Variants in CDH8 observed in about 807,000 individuals in gnomAD.
CDH8 encodes the protein cadherin-8.
A neutral mutation model predicts 68.1 loss-of-function variants in CDH8; 17 were observed. The observed-to-expected ratio is 0.25, with a 90% CI of 0.17 to 0.37. CDH8 has a LOEUF of 0.37. Among genes scored for constraint, CDH8 ranks in the 10% least tolerant of loss-of-function variants. The probability of loss-of-function intolerance (pLI) is 1.00; values close to 1 mark genes in which losing one functional copy is unlikely to be tolerated. For synonymous variants in CDH8, 372 were observed against 365.1 expected, an observed-to-expected ratio of 1.02 and a Z score of -0.21; for missense variants, 763 against 999.3, an observed-to-expected ratio of 0.76 and a Z score of 3.19.
chr16:61,908,275 C>T (rs1403640623), intron 2 of CDH8, among the ~76,000 whole-genome samples: 1 of 152,142 alleles, frequency 6.6e-6, no homozygotes, highest in Non-Finnish European at 1.5e-5. Context: ...CTATCCTTAA[C>T]TCAGAGCCAT....
chr16:61,827,583 A>C (rs1172474901), intron 4 of CDH8, among the ~76,000 whole-genome samples: 1 of 151,938 alleles, frequency 6.6e-6, no homozygotes, highest in African/African-American at 2.4e-5. Context: ...TTTTTTACTC[A>C]CTTGGAAATA....
intron 1 of CDH8, among the ~76,000 whole-genome samples, chr16:62,028,451 GT>G (rs925641933): frequency 6.6e-6 from 1 of 151,868 alleles, no homozygotes; most frequent in Non-Finnish European, 1.5e-5. Context: ...ATAATTGCTG[GT>G]TTCCTTTGCA....
intron 6 of CDH8, among the ~76,000 whole-genome samples, chr16:61,819,967 C>T (rs1054230975): frequency 1.3e-5 from 2 of 151,986 alleles, no homozygotes; most frequent in African/African-American, 4.8e-5. Flanking sequence ...TGTTTTGTGA[C>T]TATAAAGAAT....
chr16:61,899,694 G>A (rs1346736775), intron 3 of CDH8, among the ~76,000 whole-genome samples: 3 of 152,034 alleles, frequency 2.0e-5, no homozygotes, highest in African/African-American at 7.2e-5. Context: ...ATCAAGTCAA[G>A]GAGAACAACT....
chr16:61,802,779 A>G (rs1961688377), intron 7 of CDH8, among the ~76,000 whole-genome samples: 1 of 134,632 alleles, frequency 7.4e-6, no homozygotes, highest in Admixed American at 7.7e-5. Context: ...AAGAATAAAA[A>G]GAAATGAGCA....
chr16:61,953,343 ATTC>A (rs1304772255), intron 2 of CDH8, among the ~76,000 whole-genome samples: 1 of 152,172 alleles, frequency 6.6e-6, no homozygotes, highest in Non-Finnish European at 1.5e-5. Flanking sequence ...TACTTCTGCT[ATTC>A]TTCTTCATCT....
intron 8 of CDH8, among the ~76,000 whole-genome samples, chr16:61,740,551 C>T (rs757042549): frequency 6.6e-6 from 1 of 152,068 alleles, no homozygotes; most frequent in Non-Finnish European, 1.5e-5. Context: ...TCATTTACCC[C>T]CTTCCAAGTC....
chr16:61,923,428 C>A (rs1964405636), intron 2 of CDH8, among the ~76,000 whole-genome samples: 2 of 151,980 alleles, frequency 1.3e-5, no homozygotes, highest in Admixed American at 6.6e-5. Context: ...ATAACCAATA[C>A]AAGTAGCAGC....
chr16:61,819,248 G>T (rs1962156014), intron 6 of CDH8, among the ~76,000 whole-genome samples: 1 of 151,978 alleles, frequency 6.6e-6, no homozygotes, highest in South Asian at 2.1e-4. Flanking sequence ...CAACTCCTTT[G>T]CACTGTTCTC....
intron 10 of CDH8, among the ~76,000 whole-genome samples, chr16:61,676,280 G>A (rs1256130457): frequency 6.7e-6 from 1 of 148,796 alleles, no homozygotes; most frequent in Non-Finnish European, 1.5e-5. Flanking sequence ...ATGCTAGGGT[G>A]GTTATACTAA....
At chr16:61,702,844 C>A (rs1964459390) in intron 10 of CDH8, among the ~76,000 whole-genome samples, 1 of 152,138 alleles carries the variant, frequency 6.6e-6, no homozygotes, top group Admixed American at 6.6e-5. Flanking sequence ...CTTTGCCTGG[C>A]AAGTCACTTA....
intron 2 of CDH8, among the ~76,000 whole-genome samples, chr16:61,910,113 A>G (rs922049639): frequency 7.9e-5 from 12 of 152,196 alleles, no homozygotes; most frequent in Admixed American, 2.6e-4. Context: ...TTTTTATATA[A>G]GAACCCACAC....
At chr16:61,915,836 A>G (rs887876303) in intron 2 of CDH8, among the ~76,000 whole-genome samples, 1 of 152,142 alleles carries the variant, frequency 6.6e-6, no homozygotes, top group African/African-American at 2.4e-5. Flanking sequence ...AAGAAGAATA[A>G]GCTTTTGGGA....
chr16:62,008,435 T>C (rs1412744874), intron 2 of CDH8, among the ~76,000 whole-genome samples: 1 of 152,096 alleles, frequency 6.6e-6, no homozygotes, highest in Non-Finnish European at 1.5e-5. Context: ...TTTCAGCTTT[T>C]TTTTGCTTGT....
At chr16:61,801,447 A>G (rs1218170161) in intron 7 of CDH8, among the ~76,000 whole-genome samples, 4 of 152,082 alleles carry the variant, frequency 2.6e-5, no homozygotes, top group African/African-American at 9.7e-5. Context: ...GTGTGAATTC[A>G]GTAAAATTGG....
At chr16:62,028,177 G>C (rs1466941191) in intron 1 of CDH8, among the ~76,000 whole-genome samples, 1 of 147,152 alleles carries the variant, frequency 6.8e-6, no homozygotes, top group African/African-American at 2.5e-5. Context: ...CAATTCTCCT[G>C]CCTCAGCCTC....
At chr16:61,997,046 T>G (rs2150593629) in intron 2 of CDH8, among the ~76,000 whole-genome samples, 1 of 152,238 alleles carries the variant, frequency 6.6e-6, no homozygotes, top group Non-Finnish European at 1.5e-5. Flanking sequence ...AGTATAATCC[T>G]TTTCTGAGGA....
rs181684537 is a variant in CDH8 at position 61,683,188 on chromosome 16, A to G, written c.1655-27467T>C. On this transcript the variant is annotated intron_variant, in intron 10 of 11. Coordinates refer to ENST00000577390, the MANE Select transcript of CDH8 (RefSeq NM_001796.5). ...ACCTCCAATAACATATTTGTTTTTT[A>G]CTGCTTTGCAGAGTTGGGCAAAATT... Among the ~76,000 whole-genome samples the G allele has an allele frequency of 1.7e-3, 266 of 152,124 alleles. 1 individual carries two copies. The highest frequency in any genetic ancestry group is 6.3e-3 in the African/African-American group (263 of 41,542).
At chr16:61,847,880 T>TAC (rs79432523) in intron 4 of CDH8, among the ~76,000 whole-genome samples, 36,867 of 147,854 alleles carry the variant, frequency 0.25, 5,189 homozygotes, top group African/African-American at 0.39. Context: ...CCAACTATCC[T>TAC]ACACACACAC....
Sources: allele counts gnomAD v4.1 joint callset (sites outside exome capture counted in the v4.1 genomes callset), GRCh38; gene constraint gnomAD v4.1.1; transcripts MANE v1.5; gene names NCBI Gene and HGNC (gene_info 2026-07-23, HGNC 2026-07-21).